IRAK4: variants seen among roughly 807,000 people sequenced by gnomAD.
IRAK4 encodes the protein interleukin 1 receptor associated kinase 4.
In IRAK4, 44 loss-of-function variants were observed where a neutral mutation model predicts 51.8. That is an observed-to-expected ratio of 0.85 (90% CI 0.67 to 1.09). The LOEUF (loss-of-function observed/expected upper bound fraction) is 1.09. Among genes scored for constraint, IRAK4 ranks in the 50% least tolerant of loss-of-function variants. The probability of loss-of-function intolerance (pLI) is 0.00; values close to 1 mark genes in which losing one functional copy is unlikely to be tolerated. For synonymous variants in IRAK4, 149 were observed against 174.1 expected, an observed-to-expected ratio of 0.86 and a Z score of 1.13; for missense variants, 487 against 538.0, an observed-to-expected ratio of 0.91 and a Z score of 0.94.
At chr12:43,762,431 T>C (rs1000073046) in intron 1 of IRAK4, among the ~76,000 whole-genome samples, 1 of 152,184 alleles carries the variant, frequency 6.6e-6, no homozygotes, top group Non-Finnish European at 1.5e-5. Context: ...TCTAGCTTTG[T>C]CAATCATGTT....
chr12:43,760,626 T>G (rs1939429432), intron 1 of IRAK4, among the ~76,000 whole-genome samples: 1 of 152,234 alleles, frequency 6.6e-6, no homozygotes, highest in African/African-American at 2.4e-5. Context: ...GCATTTACAT[T>G]TCGTTTTGTC....
chr12:43,772,585 A>T (rs1306709957), intron 4 of IRAK4, among the ~76,000 whole-genome samples: 1 of 152,184 alleles, frequency 6.6e-6, no homozygotes, highest in Non-Finnish European at 1.5e-5. Context: ...CTATGAAAAA[A>T]AATAAGTAAA....
At chr12:43,775,996 C>T (rs1941234250) in intron 6 of IRAK4, among the ~76,000 whole-genome samples, 5 of 151,284 alleles carry the variant, frequency 3.3e-5, no homozygotes. Flanking sequence ...ATTCTCCCGC[C>T]TCAGCCTCCA....
At position 43,782,446 on chromosome 12, in the gene IRAK4, C is replaced by T. The variant is rs762731086; in HGVS notation, c.1081C>T (p.Arg361Cys). ...TTAYMAPEAL[R>C]GEITPKSDIY... ...AGCTTATATGGCACCAGAAGCTTTG[C>T]GTGGAGAAATAACACCCAAATCTGA... Residue 361 changes from arginine to cysteine, a missense_variant, in exon 9 of 12, where the codon CGT becomes TGT. Transcript: ENST00000613694. 5 of 1,613,516 alleles carry T rather than the reference C, an allele frequency of 3.1e-6. No homozygotes were observed. Among genetic ancestry groups the T allele is most frequent in the Admixed American group, 1.7e-5 (1 of 59,968 alleles).
At chr12:43,771,574 A>G (rs750589587) in intron 3 of IRAK4, among the ~76,000 whole-genome samples, 14 of 152,224 alleles carry the variant, frequency 9.2e-5, no homozygotes, top group Non-Finnish European at 1.3e-4. Flanking sequence ...GAAGCTTCGT[A>G]AGAGTTAGAT....
At chr12:43,775,983 G>A (rs532630940) in intron 6 of IRAK4, among the ~76,000 whole-genome samples, 2 of 143,538 alleles carry the variant, frequency 1.4e-5, no homozygotes, top group Admixed American at 7.4e-5. Flanking sequence ...CCAGGTTCAC[G>A]CCATTCTCCC....
intron 2 of IRAK4, among the ~76,000 whole-genome samples, chr12:43,770,469 C>G (rs1021862964): frequency 2.6e-5 from 4 of 152,150 alleles, no homozygotes; most frequent in Admixed American, 6.5e-5. Flanking sequence ...GTTACTCTAC[C>G]TCTCCAAGCC....
chr12:43,771,017 C>G (rs538374496), intron 2 of IRAK4: 1 of 692,450 alleles, frequency 1.4e-6, no homozygotes, highest in Non-Finnish European at 2.6e-6. Context: ...CTCTTTTGCC[C>G]TTCTGCCCTT....
At chr12:43,766,648 G>A (rs978448615) in intron 1 of IRAK4, among the ~76,000 whole-genome samples, 5 of 152,162 alleles carry the variant, frequency 3.3e-5, no homozygotes, top group African/African-American at 1.2e-4. Flanking sequence ...TGTTATAAAA[G>A]CAGAGTTGTA....
chr12:43,760,167 C>T (rs1259507449), intron 1 of IRAK4, among the ~76,000 whole-genome samples: 1 of 151,718 alleles, frequency 6.6e-6, no homozygotes, highest in African/African-American at 2.4e-5. Flanking sequence ...TCAGCCTTCT[C>T]TATCTCAGTA....
intron 8 of IRAK4, among the ~76,000 whole-genome samples, chr12:43,781,690 G>A (rs1456478196): frequency 1.3e-5 from 2 of 152,182 alleles, no homozygotes; most frequent in African/African-American, 4.8e-5. Flanking sequence ...TCACAGACAA[G>A]ATTTTAAGAC....
chr12:43,782,428 A>T lies in IRAK4; in HGVS notation c.1063A>T (p.Met355Leu), dbSNP rs142376871. 3.1e-6 allele frequency: 5 copies of T among 1,613,976 alleles called. No homozygotes were observed. The South Asian group carries it at 5.5e-5, about 18-fold the overall frequency. Reference sequence around the variant, plus strand: ...CAGAATTGTGGGAACAACAGCTTATATGGCACCAGAAGCTTTGCGTGGAGA... The same window carrying T: ...CAGAATTGTGGGAACAACAGCTTATTTGGCACCAGAAGCTTTGCGTGGAGA... The part of the protein sequence containing the change: ...TSRIVGTTAY[M>L]APEALRGEIT... The change falls in exon 9 of 12, where the codon ATG becomes TTG. Residue 355 changes from methionine to leucine, a missense_variant. Coordinates refer to ENST00000613694, the MANE Select transcript of IRAK4 (RefSeq NM_016123.4).
At chr12:43,768,056 T>C in intron 1 of IRAK4, 47 bp from the exon 2 acceptor site, 1 of 1,399,800 alleles carries the variant, frequency 7.1e-7, no homozygotes, top group Non-Finnish European at 1.0e-6. Flanking sequence ...ACAGATGTCA[T>C]CTCTAAAAGT....
intron 7 of IRAK4, among the ~76,000 whole-genome samples, 190 bp downstream of exon 7, chr12:43,777,934 T>C (rs905988229): frequency 1.3e-5 from 2 of 152,194 alleles, no homozygotes; most frequent in East Asian, 3.8e-4. Context: ...TTTTATTAGG[T>C]GGTAATCTTA....
intron 1 of IRAK4, among the ~76,000 whole-genome samples, chr12:43,762,881 C>T (rs1479351333): frequency 1.3e-5 from 2 of 152,172 alleles, no homozygotes; most frequent in East Asian, 3.8e-4. Context: ...GAACTCTTCT[C>T]CCTTCAAATA....
intron 8 of IRAK4, among the ~76,000 whole-genome samples, chr12:43,781,256 T>C (rs1490366770): frequency 6.6e-6 from 1 of 152,236 alleles, no homozygotes; most frequent in African/African-American, 2.4e-5. Flanking sequence ...TTTGCTTTGT[T>C]ACAAACCTTC....
chr12:43,766,242 C>T (rs1326840395), intron 1 of IRAK4, among the ~76,000 whole-genome samples: 1 of 152,188 alleles, frequency 6.6e-6, no homozygotes, highest in Non-Finnish European at 1.5e-5. Flanking sequence ...ATCCTGTGGT[C>T]CAGCCATAGC....
At chr12:43,763,180 A>G (rs1453295064) in intron 1 of IRAK4, 1 of 152,244 alleles carries the variant, frequency 6.6e-6, no homozygotes, top group South Asian at 2.1e-4. Flanking sequence ...TCCTCATTGC[A>G]GCTTACCTTT....
chr12:43,776,166 G>A lies in IRAK4; in HGVS notation c.717-1464G>A, dbSNP rs181422821. ...AATACAGGCGTGAGTCACTGCGCCCGGCCTATTATTACAATTTTTTAATAA... is the reference window on the plus strand; with the variant it reads ...AATACAGGCGTGAGTCACTGCGCCCAGCCTATTATTACAATTTTTTAATAA... On this transcript the variant is annotated intron_variant, in intron 6 of 11. Coordinates refer to ENST00000613694, the MANE Select transcript of IRAK4 (RefSeq NM_016123.4). Among the ~76,000 whole-genome samples, 915 of 152,012 alleles carry A rather than the reference G, an allele frequency of 6.0e-3. 6 individuals carry two copies. The highest frequency in any genetic ancestry group is 0.021 in the African/African-American group (888 of 41,458).
Sources: gnomAD v4.1 joint callset for allele counts (sites outside exome capture counted in the v4.1 genomes callset) on GRCh38, gnomAD v4.1.1 for gene constraint, MANE v1.5 for transcripts, NCBI Gene and HGNC (gene_info 2026-07-23, HGNC 2026-07-21) for gene names.